Variants in CSMD3 observed in about 807,000 individuals in gnomAD.
CSMD3 encodes the protein CUB and Sushi multiple domains 3.
Under a neutral mutation model 435.2 loss-of-function variants are expected in CSMD3, and 177 were observed. That is an observed-to-expected ratio of 0.41 (90% CI 0.36 to 0.46). The LOEUF is 0.46. CSMD3 is among the 20% of genes least tolerant of loss of function. The pLI, the probability that CSMD3 is intolerant of heterozygous loss-of-function variation, is 0.34. For synonymous variants in CSMD3, 1,656 were observed against 1,520.5 expected (o/e 1.09, Z -2.07); for missense variants, 4,265 against 4,504.6 (o/e 0.95, Z 1.52).
chr8:112,968,967 CAGTGTT>C (rs946975355), intron 7 of CSMD3, among the ~76,000 whole-genome samples: 1 of 151,916 alleles, frequency 6.6e-6, no homozygotes, highest in Non-Finnish European at 1.5e-5. Context: ...TATTTGAAAA[CAGTGTT>C]AGTTGCTTGC....
intron 1 of CSMD3, among the ~76,000 whole-genome samples, chr8:113,339,388 T>C (rs2094101714): frequency 6.6e-6 from 1 of 151,980 alleles, no homozygotes; most frequent in South Asian, 2.1e-4. Flanking sequence ...TCAAATATGC[T>C]GCCAAATGGA....
intron 1 of CSMD3, among the ~76,000 whole-genome samples, chr8:113,349,961 C>T (rs1462265615): frequency 6.6e-6 from 1 of 151,954 alleles, no homozygotes; most frequent in African/African-American, 2.4e-5. Context: ...TCTGGGTCTA[C>T]CTCTTGAGAA....
chr8:112,314,652 CT>C, intron 47 of CSMD3, 35 bp from the exon 48 acceptor site: 1 of 1,430,302 alleles, frequency 7.0e-7, no homozygotes, highest in Non-Finnish European at 9.9e-7. Context: ...TAATGCCAGT[CT>C]TTTAGAGCCT....
chr8:113,174,236 CA>C (rs1160732403), intron 3 of CSMD3, among the ~76,000 whole-genome samples: 1 of 152,078 alleles, frequency 6.6e-6, no homozygotes, highest in Non-Finnish European at 1.5e-5. Flanking sequence ...ATGGCTTTTT[CA>C]AAGTTACATT....
intron 4 of CSMD3, among the ~76,000 whole-genome samples, chr8:113,145,507 T>C (rs2091651793): frequency 6.6e-6 from 1 of 151,614 alleles, no homozygotes. Flanking sequence ...TGGAAATTTT[T>C]ACTATTTGTC....
At position 113,278,624 on chromosome 8, in the gene CSMD3, A is replaced by G; in HGVS notation, c.482T>C (p.Val161Ala). 1 of 1,590,442 alleles carries G rather than the reference A, an allele frequency of 6.3e-7. No homozygotes were observed. The highest frequency in any genetic ancestry group is 8.6e-7 in the Non-Finnish European group (1 of 1,158,806). Residue 161 changes from valine (V) to alanine (A), a missense_variant, in exon 3 of 71, where the codon GTT (valine) becomes GCT (alanine). By Grantham distance (64) the Val-to-Ala change is moderately conservative. Around this residue, in one of 3 missense-constraint regions of CSMD3, gnomAD observed 731 missense variants for 755.4 expected, o/e 0.97. Transcript: ENST00000297405. ...FSLRLTSDFAVSAHGFKVYYE... is the reference protein window; with the variant it reads ...FSLRLTSDFAASAHGFKVYYE... ...ATATACCTTAAATCCATGAGCACTA[A>G]CTGCAAAATCACTGGTCAAACGTAG...
Position 113,127,547 on chromosome 8 carries a change from C to T in CSMD3, c.710-28584G>A, listed in dbSNP as rs144670110. The stretch of plus-strand genomic sequence containing the variant: ...CCAATACCTAAGTCACCAGCAAGTC[C>T]TACTCATTCTATCCTCAATAAATCC... On this transcript the variant is annotated intron_variant, in intron 4 of 70. Transcript: ENST00000297405. 5.6e-3 allele frequency among the ~76,000 whole-genome samples: 847 copies of T among 152,012 alleles called. 31 individuals carry two copies. Among genetic ancestry groups the T allele is most frequent in the Admixed American group, 0.05 (757 of 15,182 alleles).
intron 66 of CSMD3, among the ~76,000 whole-genome samples, chr8:112,240,966 T>C (rs1340431084): frequency 6.6e-6 from 1 of 152,128 alleles, no homozygotes; most frequent in Non-Finnish European, 1.5e-5. Flanking sequence ...CCCAGCCATG[T>C]GGAACTGTAA....
chr8:112,608,344 A>G (rs1832959317), intron 22 of CSMD3, among the ~76,000 whole-genome samples: 1 of 152,152 alleles, frequency 6.6e-6, no homozygotes, highest in Non-Finnish European at 1.5e-5. Context: ...GAGAAGACTT[A>G]ATATTGTAGA....
At chr8:112,736,159 ATTAG>A (rs1277641404) in intron 13 of CSMD3, among the ~76,000 whole-genome samples, 3 of 151,982 alleles carry the variant, frequency 2.0e-5, no homozygotes, top group African/African-American at 4.8e-5. Flanking sequence ...TTGCTTTTTG[ATTAG>A]TTAAATGCCA....
intron 55 of CSMD3, among the ~76,000 whole-genome samples, chr8:112,291,934 T>C (rs1188688628): frequency 2.0e-5 from 3 of 152,012 alleles, no homozygotes; most frequent in Admixed American, 6.6e-5. Flanking sequence ...TTTGTAAGTA[T>C]TGCGCTAAGT....
intron 31 of CSMD3, among the ~76,000 whole-genome samples, chr8:112,491,798 T>C (rs1388744864): frequency 6.6e-6 from 1 of 152,208 alleles, no homozygotes; most frequent in Non-Finnish European, 1.5e-5. Context: ...ATTTTATGAT[T>C]CACTGTTGGT....
intron 13 of CSMD3, among the ~76,000 whole-genome samples, chr8:112,690,936 C>A (rs576265492): frequency 2.6e-4 from 39 of 152,160 alleles, no homozygotes; most frequent in African/African-American, 8.9e-4. Context: ...TCTCTCCTGA[C>A]ACTCAAATAT....
rs1031464223 is a variant in CSMD3 at position 112,279,009 on chromosome 8, CAAA to C, written c.9508+2162_9508+2164del. 1.1e-3 allele frequency among the ~76,000 whole-genome samples: 116 copies of C among 107,316 alleles called. No homozygotes were observed. In the East Asian group the frequency reaches 0.021, roughly 20 times the overall value. The allele number at this position is 107,316 out of a possible 152,430, so 70.4% of individuals were successfully genotyped here. A position where few individuals can be genotyped will look rare whatever the true frequency, so the allele number is the denominator to read the frequency against. ...GAAGCGTATCCTGTAACTCCACCCC[CAAA>C]AAACAACAACAACAACAACAACAAC... On this transcript the variant is annotated intron_variant, in intron 59 of 70. Transcript: ENST00000297405.
intron 38 of CSMD3, among the ~76,000 whole-genome samples, chr8:112,372,571 C>T (rs188321460): frequency 2.6e-5 from 4 of 152,156 alleles, no homozygotes; most frequent in African/African-American, 4.8e-5. Context: ...GCCTATCTGG[C>T]GGGCGCGGTG....
chr8:112,762,513 G>A (rs2077865589), intron 13 of CSMD3, among the ~76,000 whole-genome samples: 1 of 151,862 alleles, frequency 6.6e-6, no homozygotes, highest in East Asian at 1.9e-4. Flanking sequence ...CAGATTCTCT[G>A]TTGTTTTATA....
At chr8:113,143,105 A>G (rs2091589362) in intron 4 of CSMD3, among the ~76,000 whole-genome samples, 1 of 151,224 alleles carries the variant, frequency 6.6e-6, no homozygotes, top group African/African-American at 2.4e-5. Flanking sequence ...AAGAACTCTC[A>G]AAACTCAATG....
intron 13 of CSMD3, among the ~76,000 whole-genome samples, chr8:112,747,962 C>CA (rs71309788): frequency 0.04 from 3,823 of 96,130 alleles, 116 homozygotes; most frequent in Admixed American, 0.067. Flanking sequence ...GACTCCGTCT[C>CA]AAAAAAAAAA....
At chr8:112,375,412 G>C (rs545810112) in intron 38 of CSMD3, among the ~76,000 whole-genome samples, 1 of 151,888 alleles carries the variant, frequency 6.6e-6, no homozygotes, top group Non-Finnish European at 1.5e-5. Context: ...TGTCTTTCCC[G>C]TCAAAGATGT....
Sources: allele counts gnomAD v4.1 joint callset (sites outside exome capture counted in the v4.1 genomes callset), GRCh38; gene constraint gnomAD v4.1.1; regional missense constraint gnomAD v4.1.1; transcripts MANE v1.5; gene names NCBI Gene and HGNC (gene_info 2026-07-23, HGNC 2026-07-21).